The following SNX27 variants were observed in gnomAD, a reference collection of about 807,000 sequenced individuals.
SNX27 encodes sorting nexin 27.
Under a neutral mutation model 71.6 loss-of-function variants are expected in SNX27, and 22 were observed. That is an observed-to-expected ratio of 0.31 (90% CI 0.22 to 0.44). The LOEUF is 0.44. SNX27 is among the 20% of genes least tolerant of loss of function. The probability of loss-of-function intolerance (pLI) is 1.00; values close to 1 mark genes in which losing one functional copy is unlikely to be tolerated. For missense variants in SNX27, 531 were observed against 698.6 expected (o/e 0.76, Z 2.70); for synonymous variants, 269 against 277.2 (o/e 0.97, Z 0.29).
At chr1:151,641,604 T>G (rs1287519461) in intron 2 of SNX27, among the ~76,000 whole-genome samples, 1 of 75,598 alleles carries the variant, frequency 1.3e-5, no homozygotes, top group East Asian at 5.1e-4. Context: ...ATCAGATATA[T>G]ATATATATAT....
chr1:151,616,140 A>C (rs1667415481), intron 1 of SNX27, among the ~76,000 whole-genome samples: 1 of 152,192 alleles, frequency 6.6e-6, no homozygotes, highest in Non-Finnish European at 1.5e-5. Flanking sequence ...TTTGATGTGT[A>C]TGTACCTGGA....
At chr1:151,662,396 T>C in intron 5 of SNX27, 126 bp downstream of exon 5, 1 of 541,064 alleles carries the variant, frequency 1.8e-6, no homozygotes, top group Non-Finnish European at 3.3e-6. Flanking sequence ...AAATGTTAGC[T>C]ACTATTGTTA....
intron 1 of SNX27, among the ~76,000 whole-genome samples, chr1:151,619,643 G>A (rs1471227827): frequency 6.6e-6 from 1 of 151,882 alleles, no homozygotes; most frequent in East Asian, 1.9e-4. Context: ...GAGTTTCTTT[G>A]TTCTGTTTTT....
chr1:151,638,615 T>C (rs1211480640), intron 1 of SNX27, among the ~76,000 whole-genome samples: 1 of 152,212 alleles, frequency 6.6e-6, no homozygotes, highest in African/African-American at 2.4e-5. Context: ...CTTCAGCCTC[T>C]TTCCATGTGC....
At chr1:151,692,406 C>CTTT (rs61159507) in intron 8 of SNX27, 29 bp from the exon 9 acceptor site, 9,216 of 854,200 alleles carry the variant, frequency 0.011, 1,029 homozygotes, top group African/African-American at 0.013. Context: ...TTTCTCCTTC[C>CTTT]TTTTTTTTTT....
In SNX27 at chr1:151,669,706, C is replaced by T. The variant is rs145670151; in HGVS notation, c.1149+1071C>T. Among the ~76,000 whole-genome samples, 294 of 152,252 alleles carry T rather than the reference C, an allele frequency of 1.9e-3. 2 individuals are homozygous for T. Among genetic ancestry groups the T allele is most frequent in the African/African-American group, 6.6e-3 (275 of 41,538 alleles). ...TTTACTCCCATATTTTTGTAGGATA[C>T]ATTTTCAGAGCTGTTCCTCTTTTTA... On this transcript the variant is annotated intron_variant, in intron 7 of 11. Coordinates refer to ENST00000458013, the MANE Select transcript of SNX27 (RefSeq NM_001330723.2).
chr1:151,623,692 G>A (rs552903651), intron 1 of SNX27, among the ~76,000 whole-genome samples: 11 of 152,024 alleles, frequency 7.2e-5, no homozygotes, highest in East Asian at 3.9e-4. Context: ...GAGCCACTGC[G>A]CCTGACCCTT....
At chr1:151,693,806 C>A (rs776971241) in intron 11 of SNX27, 86 of 1,447,748 alleles carry the variant, frequency 5.9e-5, no homozygotes, top group Non-Finnish European at 7.7e-5. Flanking sequence ...TGTTCCTGAC[C>A]CACAGGGGAA....
In SNX27 at chr1:151,612,268, G is replaced by C; in HGVS notation, c.67G>C (p.Gly23Arg). The change falls in exon 1 of 12, where the codon GGC becomes CGC. Residue 23 changes from glycine (G) to arginine (R), a missense_variant. This residue lies in a region of SNX27 where 130 missense variants were observed against 143.5 expected (regional missense o/e 0.91). Transcript: ENST00000458013. This position sits in a 1 kb window ranked among gnomAD's most constrained non-coding sequence, Gnocchi z 5.2. ...TCACAGGAACGGAGGTGGCGGCGGC[G>C]GCGGGGGGTCTGGGCTCCACTGCGC... ...APHRNGGGGG[G>R]GGSGLHCAGN... 6.9e-7 allele frequency: 1 copy of C among 1,454,748 alleles called. No individual in the cohort carries two copies. Among genetic ancestry groups the C allele is most frequent in the Admixed American group, 3.0e-5 (1 of 33,736 alleles). 90.1% of individuals were successfully genotyped at this position (1,454,748 alleles called of 1,614,324 possible).
intron 8 of SNX27, among the ~76,000 whole-genome samples, chr1:151,688,905 G>A (rs1571875785): frequency 6.6e-6 from 1 of 152,066 alleles, no homozygotes; most frequent in Non-Finnish European, 1.5e-5. Context: ...ACTTAATGCT[G>A]ATAAATACTG....
intron 4 of SNX27, 33 bp downstream of exon 4, chr1:151,660,895 C>T (rs1407834955): frequency 6.6e-7 from 1 of 1,512,046 alleles, no homozygotes; most frequent in Non-Finnish European, 9.2e-7. Flanking sequence ...GATTATTTTC[C>T]TTTTGGCTCC....
chr1:151,693,664 T>C (rs1224487862), intron 11 of SNX27, 181 bp downstream of exon 11: 1 of 1,612,596 alleles, frequency 6.2e-7, no homozygotes, highest in Admixed American at 1.7e-5. Context: ...CTCTGGATGG[T>C]GAACGGGCTG....
At chr1:151,651,261 C>T (rs1176545437) in intron 2 of SNX27, among the ~76,000 whole-genome samples, 9 of 148,924 alleles carry the variant, frequency 6.0e-5, no homozygotes, top group Non-Finnish European at 8.9e-5. Flanking sequence ...CCAGACGGGG[C>T]GGCTGGCCTG....
In SNX27 at chr1:151,658,326, C is replaced by T; in HGVS notation, c.635C>T (p.Ala212Val). 1 of 1,614,120 alleles carries T rather than the reference C, an allele frequency of 6.2e-7. No homozygotes were observed. Among genetic ancestry groups the T allele is most frequent in the Non-Finnish European group, 8.5e-7 (1 of 1,180,020 alleles). ...CACCAGAACCTGAAGAGAGAGTTTG[C>T]CAACTTTACATTTCCTCGACTCCCA... Reference protein sequence around the residue: ...ILHQNLKREFANFTFPRLPGK... With the variant: ...ILHQNLKREFVNFTFPRLPGK... The change falls in exon 3 of 12, where the codon GCC becomes GTC. Residue 212 changes from alanine to valine, a missense_variant. By Grantham distance (64) the Ala-to-Val change is moderately conservative. Around this residue, in one of 5 missense-constraint regions of SNX27, gnomAD observed 184 missense variants for 289.6 expected, o/e 0.64. Transcript: ENST00000458013.
At chr1:151,641,780 A>C (rs1443829436) in intron 2 of SNX27, among the ~76,000 whole-genome samples, 1 of 140,096 alleles carries the variant, frequency 7.1e-6, no homozygotes, top group Non-Finnish European at 1.5e-5. Context: ...TATATATCTG[A>C]TATATATGAG....
intron 7 of SNX27, chr1:151,677,796 G>A (rs1670763794): frequency 6.6e-6 from 1 of 152,028 alleles, no homozygotes; most frequent in African/African-American, 2.4e-5. Flanking sequence ...AAGTATTTAA[G>A]TATTTAGAAA....
intron 2 of SNX27, among the ~76,000 whole-genome samples, chr1:151,642,959 A>G (rs1235149360): frequency 7.0e-5 from 10 of 142,572 alleles, no homozygotes; most frequent in Non-Finnish European, 1.4e-4. Flanking sequence ...TTTTTGTTTT[A>G]TTTTATTTTA....
intron 11 of SNX27, 184 bp from the exon 12 acceptor site, chr1:151,694,186 A>G (rs1671594373): frequency 3.8e-5 from 52 of 1,362,150 alleles, no homozygotes; most frequent in Non-Finnish European, 4.6e-5. Context: ...GAACCACGTA[A>G]TTAATATCCA....
intron 2 of SNX27, among the ~76,000 whole-genome samples, chr1:151,642,534 G>C: frequency 6.6e-6 from 1 of 151,900 alleles, no homozygotes; most frequent in Admixed American, 6.6e-5. Flanking sequence ...GCTTTTTTGT[G>C]TTCTAAGAAA....
Sources: allele counts gnomAD v4.1 joint callset (sites outside exome capture counted in the v4.1 genomes callset), GRCh38; gene constraint gnomAD v4.1.1; regional missense constraint gnomAD v4.1.1; non-coding constraint Gnocchi (gnomAD v3.1); transcripts MANE v1.5; gene names NCBI Gene and HGNC (gene_info 2026-07-23, HGNC 2026-07-21).